CTNNA3: variants seen among roughly 807,000 people sequenced by gnomAD.
CTNNA3 encodes the protein catenin alpha 3.
Under a neutral mutation model 95.7 loss-of-function variants are expected in CTNNA3, and 76 were observed. The ratio of observed to expected loss-of-function variants is 0.79; its 90% CI spans 0.66 to 0.96. The LOEUF (loss-of-function observed/expected upper bound fraction) is 0.96. Among genes scored for constraint, CTNNA3 ranks in the 40% least tolerant of loss-of-function variants. The pLI is 0.00. For synonymous variants in CTNNA3, 431 were observed against 374.4 expected (o/e 1.15, Z -1.74); for missense variants, 1,191 against 1,089.8 (o/e 1.09, Z -1.31).
At chr10:66,075,981 T>C (rs1340778231) in intron 14 of CTNNA3, among the ~76,000 whole-genome samples, 2 of 151,758 alleles carry the variant, frequency 1.3e-5, no homozygotes, top group Non-Finnish European at 3.0e-5. Context: ...AATCCACAAT[T>C]ATGATTTTTT....
intron 10 of CTNNA3, among the ~76,000 whole-genome samples, chr10:66,618,981 C>G (rs1418431438): frequency 0.011 from 1,678 of 152,254 alleles, 40 homozygotes; most frequent in African/African-American, 0.038. Flanking sequence ...CACTGGCCAT[C>G]AGAGAAATGC....
chr10:66,296,250 C>T (rs1454390206), intron 12 of CTNNA3, among the ~76,000 whole-genome samples: 2 of 152,028 alleles, frequency 1.3e-5, no homozygotes, highest in Admixed American at 1.3e-4. Context: ...ATTGCCCTGT[C>T]AGAATATTTC....
At chr10:66,193,853 C>G (rs532575167) in intron 13 of CTNNA3, among the ~76,000 whole-genome samples, 7 of 152,194 alleles carry the variant, frequency 4.6e-5, no homozygotes, top group African/African-American at 1.7e-4. Context: ...TCATTGAAAT[C>G]AATAAGAATT....
chr10:66,900,914 A>T (rs753135771), intron 7 of CTNNA3, among the ~76,000 whole-genome samples: 3 of 152,242 alleles, frequency 2.0e-5, no homozygotes, highest in Non-Finnish European at 4.4e-5. Flanking sequence ...GGTGTACCTG[A>T]AAGTGACACG....
intron 7 of CTNNA3, among the ~76,000 whole-genome samples, chr10:67,059,171 T>A (rs2133212435): frequency 6.6e-6 from 1 of 152,294 alleles, no homozygotes; most frequent in Non-Finnish European, 1.5e-5. Flanking sequence ...CAAGGTAACA[T>A]AACATCCACT....
intron 11 of CTNNA3, among the ~76,000 whole-genome samples, chr10:66,477,830 A>T (rs1839380274): frequency 6.6e-6 from 1 of 152,082 alleles, no homozygotes; most frequent in Non-Finnish European, 1.5e-5. Flanking sequence ...CAGCTGATAT[A>T]GTGCAACTCC....
At chr10:66,924,630 AGTT>A (rs1846963665) in intron 7 of CTNNA3, among the ~76,000 whole-genome samples, 2 of 152,188 alleles carry the variant, frequency 1.3e-5, no homozygotes, top group African/African-American at 4.8e-5. Context: ...TGCTCACTAA[AGTT>A]GTTCTTTGTG....
chr10:67,508,880 T>A (rs1324882813), intron 5 of CTNNA3, among the ~76,000 whole-genome samples: 1 of 85,994 alleles, frequency 1.2e-5, no homozygotes, highest in Non-Finnish European at 2.2e-5. Context: ...TAAATAGACA[T>A]TTTTTTTTTT....
intron 14 of CTNNA3, among the ~76,000 whole-genome samples, chr10:66,075,722 C>A (rs2080537742): frequency 6.6e-6 from 1 of 151,678 alleles, no homozygotes; most frequent in Admixed American, 6.6e-5. Context: ...ACTTATTTTG[C>A]AGATAAGAAA....
chr10:67,607,303 T>C (rs1266983023), intron 2 of CTNNA3, among the ~76,000 whole-genome samples: 1 of 152,240 alleles, frequency 6.6e-6, no homozygotes, highest in Non-Finnish European at 1.5e-5. Flanking sequence ...TGTATCTGTA[T>C]GTACTATATA....
chr10:66,202,276 C>G (rs1198760487), intron 13 of CTNNA3, among the ~76,000 whole-genome samples: 2 of 152,150 alleles, frequency 1.3e-5, no homozygotes, highest in African/African-American at 4.8e-5. Context: ...ACACCGTGAA[C>G]TAAAACCTAA....
chr10:66,611,313 T>C (rs1448492753), intron 10 of CTNNA3, among the ~76,000 whole-genome samples: 2 of 152,132 alleles, frequency 1.3e-5, no homozygotes, highest in Non-Finnish European at 2.9e-5. Flanking sequence ...AAAGGATAAA[T>C]ATTTGAGGTG....
intron 1 of CTNNA3, among the ~76,000 whole-genome samples, chr10:67,722,990 T>G (rs1841188867): frequency 6.7e-6 from 1 of 149,062 alleles, no homozygotes; most frequent in Non-Finnish European, 1.5e-5. Flanking sequence ...CAGCTCTTTT[T>G]TTTTTTTTTT....
chr10:66,382,105 G>C (rs1272006354), intron 11 of CTNNA3, among the ~76,000 whole-genome samples: 1 of 151,986 alleles, frequency 6.6e-6, no homozygotes, highest in Non-Finnish European at 1.5e-5. Context: ...GCTCACAAGG[G>C]GTGAGCTGAA....
intron 5 of CTNNA3, among the ~76,000 whole-genome samples, chr10:67,304,111 C>T (rs556823581): frequency 6.6e-6 from 1 of 152,162 alleles, no homozygotes; most frequent in Admixed American, 6.5e-5. Flanking sequence ...GAGATGTAAA[C>T]ATATATAATG....
At chr10:67,605,076 A>G (rs1399457234) in intron 3 of CTNNA3, among the ~76,000 whole-genome samples, 2 of 152,158 alleles carry the variant, frequency 1.3e-5, no homozygotes, top group African/African-American at 4.8e-5. Flanking sequence ...CTTCATAAAG[A>G]TGCCTGCACT....
intron 11 of CTNNA3, among the ~76,000 whole-genome samples, chr10:66,480,293 A>C (rs1296509528): frequency 1.3e-5 from 2 of 152,202 alleles, no homozygotes; most frequent in African/African-American, 4.8e-5. Context: ...CCTAACTATG[A>C]CTTACTTATT....
chr10:67,559,538 G>A (rs1404035095), intron 3 of CTNNA3, among the ~76,000 whole-genome samples: 5 of 152,060 alleles, frequency 3.3e-5, no homozygotes, highest in Admixed American at 6.6e-5. Context: ...CAAAGATGGG[G>A]AAAAAACAGA....
intron 5 of CTNNA3, among the ~76,000 whole-genome samples, chr10:67,511,173 T>C (rs1589375458): frequency 6.6e-6 from 1 of 152,332 alleles, no homozygotes; most frequent in Middle Eastern, 3.4e-3. Flanking sequence ...CCTAATTGAA[T>C]ACCCTTTACT....
Sources: gnomAD v4.1 joint callset for allele counts (sites outside exome capture counted in the v4.1 genomes callset) on GRCh38, gnomAD v4.1.1 for gene constraint, MANE v1.5 for transcripts, NCBI Gene and HGNC (gene_info 2026-07-23, HGNC 2026-07-21) for gene names.